Variants in EPHA7 observed in about 807,000 individuals in gnomAD.
EPHA7 encodes the protein ephrin type-A receptor 7.
A neutral mutation model predicts 112.6 loss-of-function variants in EPHA7; 25 were observed. The ratio of observed to expected loss-of-function variants is 0.22; its 90% CI spans 0.16 to 0.31. The LOEUF (loss-of-function observed/expected upper bound fraction) is 0.31, where lower values mean the gene tolerates loss of function less well. Ranked by LOEUF, EPHA7 falls within the 10% of genes least tolerant of loss-of-function variation. EPHA7 has a pLI of 1.00. For synonymous variants in EPHA7, 437 were observed against 406.5 expected (o/e 1.07, Z -0.90); for missense variants, 962 against 1,212.6 (o/e 0.79, Z 3.07).
intron 5 of EPHA7, among the ~76,000 whole-genome samples, chr6:93,332,350 C>A (rs1774636711): frequency 1.3e-5 from 2 of 151,572 alleles, no homozygotes. Context: ...ACTCTTTTCA[C>A]CCCAACTCAG....
rs190373210 is a variant in EPHA7 at position 93,363,391 on chromosome 6, G to T, written c.833-4980C>A. On this transcript the variant is annotated intron_variant, in intron 3 of 16. Transcript: ENST00000369303. ...AATAAGCCAATCAAAAATATGCAAG[G>T]AATCTGAATTGATGTTTCTCCATGA... Among the ~76,000 whole-genome samples, 76 of 152,114 alleles carry T rather than the reference G, an allele frequency of 5.0e-4. 1 individual carries two copies. Among genetic ancestry groups the T allele is most frequent in the African/African-American group, 1.8e-3 (73 of 41,514 alleles).
Position 93,411,342 on chromosome 6 carries a change from T to C in EPHA7, c.163-172A>G, listed in dbSNP as rs1778969054. Among the ~76,000 whole-genome samples the C allele has an allele frequency of 2.6e-5, 4 of 152,200 alleles. No individual in the cohort carries two copies. The South Asian group carries it at 8.3e-4, about 32-fold the overall frequency. On this transcript the variant is annotated intron_variant, in intron 2 of 16. Coordinates refer to ENST00000369303, the MANE Select transcript of EPHA7 (RefSeq NM_004440.4). ...TCCAGGTTCTGCTTCATCCTGGTGG[T>C]GGAACATACTTATGCTGCTTGCTTT... is the stretch of plus-strand genomic sequence containing the variant.
intron 3 of EPHA7, among the ~76,000 whole-genome samples, chr6:93,359,920 G>C (rs1038154112): frequency 6.8e-6 from 1 of 146,180 alleles, no homozygotes; most frequent in Non-Finnish European, 1.5e-5. Flanking sequence ...TAGATAGATA[G>C]AGATAGACAG....
Position 93,254,684 on chromosome 6 carries a change from T to C in EPHA7, c.2495A>G (p.Tyr832Cys), listed in dbSNP as rs773600194. The C allele has an allele frequency of 5.6e-6, 9 of 1,613,312 alleles. No homozygotes were observed. The South Asian group carries it at 9.9e-5, about 18-fold the overall frequency. The change falls in exon 14 of 17, where the codon TAT becomes TGT. Residue 832 changes from tyrosine to cysteine, a missense_variant. Physicochemically the swap from Tyr to Cys is radical, Grantham distance 194 (BLOSUM62 -2). Coordinates refer to ENST00000369303, the MANE Select transcript of EPHA7 (RefSeq NM_004440.4). The stretch of plus-strand genomic sequence containing the variant: ...CATGTCCCAATAAGGTCTTTCTCCA[T>C]AAGACATAACTTCCCACATGACTAT... ...YGIVMWEVMSYGERPYWDMSN... is the reference protein window; with the variant it reads ...YGIVMWEVMSCGERPYWDMSN...
Position 93,343,978 on chromosome 6 carries a change from T to C in EPHA7, c.1324+12739A>G, listed in dbSNP as rs139628484. Among the ~76,000 whole-genome samples the C allele has an allele frequency of 7.9e-3, 1,205 of 151,798 alleles. 10 individuals carry two copies. Among genetic ancestry groups the C allele is most frequent in the Middle Eastern group, 0.02 (6 of 294 alleles). On this transcript the variant is annotated intron_variant, in intron 5 of 16. Transcript: ENST00000369303. ...AATGTGTCTAAAAATAAAAGATTTA[T>C]CAGTATTAACAAATACTGCACATAG...
At chr6:93,361,100 A>AT (rs1776239241) in intron 3 of EPHA7, among the ~76,000 whole-genome samples, 1 of 152,096 alleles carries the variant, frequency 6.6e-6, no homozygotes, top group East Asian at 1.9e-4. Context: ...TTCACTATGA[A>AT]TTTTGACACT....
At chr6:93,259,631 T>A (rs1186133852) in intron 9 of EPHA7, 152 bp from the exon 10 acceptor site, 9 of 834,328 alleles carry the variant, frequency 1.1e-5, no homozygotes, top group Non-Finnish European at 1.7e-5. Flanking sequence ...TACTTCAGTC[T>A]GCTGGCGTAT....
chr6:93,300,030 C>T (rs970795247), intron 5 of EPHA7, among the ~76,000 whole-genome samples: 1 of 152,062 alleles, frequency 6.6e-6, no homozygotes, highest in Non-Finnish European at 1.5e-5. Flanking sequence ...GGGTAGTAGG[C>T]TTAGTATCTG....
rs2127846963 is a variant in EPHA7, at chr6:93,246,847, C to G, written c.2671G>C (p.Asp891His). The G allele has an allele frequency of 1.9e-6, 3 of 1,613,650 alleles. No individual in the cohort carries two copies. Among genetic ancestry groups the G allele is most frequent in the Non-Finnish European group, 2.5e-6 (3 of 1,179,656 alleles). Residue 891 changes from aspartate to histidine, a missense_variant, in exon 15 of 17, where the codon GAC becomes CAC. By Grantham distance (81) the Asp-to-His change is moderately conservative. Transcript: ENST00000369303. ...CTATTTGGGTTTCGAATCATTTTGT[C>G]TAGAATTCCAACTATCTGTTCAAAT... ...PKFEQIVGIL[D>H]KMIRNPNSLK...
intron 5 of EPHA7, among the ~76,000 whole-genome samples, chr6:93,288,278 G>A (rs1297587757): frequency 6.6e-6 from 1 of 152,142 alleles, no homozygotes; most frequent in Non-Finnish European, 1.5e-5. Context: ...CAACATAGAA[G>A]TACCTCAAAA....
intron 5 of EPHA7, among the ~76,000 whole-genome samples, chr6:93,295,045 G>A (rs765440986): frequency 6.6e-6 from 1 of 151,774 alleles, no homozygotes; most frequent in Non-Finnish European, 1.5e-5. Flanking sequence ...AAAAGGGAGA[G>A]AGAGAAAGAG....
At chr6:93,335,654 A>T (rs950436891) in intron 5 of EPHA7, among the ~76,000 whole-genome samples, 1 of 150,438 alleles carries the variant, frequency 6.6e-6, no homozygotes, top group Admixed American at 6.7e-5. Flanking sequence ...CACAGTTTTC[A>T]TTTTTTTTTT....
chr6:93,381,793 G>A (rs576966523), intron 3 of EPHA7, among the ~76,000 whole-genome samples: 3 of 151,664 alleles, frequency 2.0e-5, no homozygotes, highest in Admixed American at 2.0e-4. Flanking sequence ...CTTTTGGAGA[G>A]AGAAATTGAT....
Position 93,242,007 on chromosome 6 carries a change from G to T in EPHA7, c.*1419C>A. 1 of 210,280 alleles carries T rather than the reference G, an allele frequency of 4.8e-6. No homozygotes were observed. The highest frequency in any genetic ancestry group is 9.7e-6 in the Non-Finnish European group (1 of 103,106). 13.0% of individuals were successfully genotyped at this position (210,280 alleles called of 1,614,324 possible). On this transcript the variant is annotated 3_prime_UTR_variant, in exon 17 of 17. Transcript: ENST00000369303. ...CCCAATTCTCTTTGGAAGTACAACAGTTCAATTCTGGGGTAGTTCATGATT... is the reference window on the plus strand; with the variant it reads ...CCCAATTCTCTTTGGAAGTACAACATTTCAATTCTGGGGTAGTTCATGATT...
intron 3 of EPHA7, among the ~76,000 whole-genome samples, chr6:93,403,220 T>G (rs548058625): frequency 1.7e-3 from 263 of 152,256 alleles, no homozygotes; most frequent in Non-Finnish European, 3.2e-3. Flanking sequence ...TTAAATTCAC[T>G]GAATTAAATG....
chr6:93,408,523 G>A (rs192592353), intron 3 of EPHA7, among the ~76,000 whole-genome samples: 6 of 152,200 alleles, frequency 3.9e-5, no homozygotes, highest in African/African-American at 1.4e-4. Context: ...TACTGCCAGT[G>A]AGGGAAAGGG....
intron 3 of EPHA7, among the ~76,000 whole-genome samples, chr6:93,380,044 T>G (rs1430114383): frequency 6.6e-6 from 1 of 152,112 alleles, no homozygotes; most frequent in Non-Finnish European, 1.5e-5. Flanking sequence ...TGATTTAGTA[T>G]GAAGAATCTG....
chr6:93,309,555 C>T (rs1242510235), intron 5 of EPHA7, among the ~76,000 whole-genome samples: 1 of 151,620 alleles, frequency 6.6e-6, no homozygotes, highest in Non-Finnish European at 1.5e-5. Context: ...GTATCTGTTG[C>T]CCAATAAGGC....
At chr6:93,298,704 T>C (rs1417669779) in intron 5 of EPHA7, among the ~76,000 whole-genome samples, 1 of 152,182 alleles carries the variant, frequency 6.6e-6, no homozygotes, top group African/African-American at 2.4e-5. Context: ...TGGCAAAGAT[T>C]GAAAACCAAA....
Sources: allele counts gnomAD v4.1 joint callset (sites outside exome capture counted in the v4.1 genomes callset), GRCh38; gene constraint gnomAD v4.1.1; transcripts MANE v1.5; gene names NCBI Gene and HGNC (gene_info 2026-07-23, HGNC 2026-07-21).